The following UGP2 variants were observed in gnomAD, a reference collection of about 807,000 sequenced individuals.
UGP2 encodes the protein UTP--glucose-1-phosphate uridylyltransferase.
In UGP2, 40 loss-of-function variants were observed where a neutral mutation model predicts 49.0. The observed-to-expected ratio is 0.82, with a 90% CI of 0.63 to 1.06. The LOEUF is 1.06. Ranked by LOEUF, UGP2 falls within the 50% of genes least tolerant of loss-of-function variation. The pLI, the probability that UGP2 is intolerant of heterozygous loss-of-function variation, is 0.00. For synonymous variants in UGP2, 225 were observed against 213.0 expected, an observed-to-expected ratio of 1.06 and a Z score of -0.49; for missense variants, 460 against 603.5, an observed-to-expected ratio of 0.76 and a Z score of 2.49.
At chr2:63,856,737 C>T (rs1328197036) in intron 2 of UGP2, 2 of 482,104 alleles carry the variant, frequency 4.1e-6, no homozygotes, top group African/African-American at 2.0e-5. Context: ...TACCTGTGTT[C>T]AGTTGTAATT....
intron 8 of UGP2, 155 bp downstream of exon 8, chr2:63,887,799 A>G: frequency 1.0e-6 from 1 of 998,430 alleles, no homozygotes. Context: ...TGACCATAGA[A>G]GATAAATATT....
At chr2:63,863,011 A>T (rs892928772) in intron 3 of UGP2, 1 of 346,934 alleles carries the variant, frequency 2.9e-6, no homozygotes, top group Non-Finnish European at 5.7e-6. Flanking sequence ...AATCATACTA[A>T]AGTGGAGTGT....
chr2:63,887,067 C>T (rs1373588724), intron 7 of UGP2, among the ~76,000 whole-genome samples: 1 of 152,042 alleles, frequency 6.6e-6, no homozygotes, highest in Non-Finnish European at 1.5e-5. Context: ...AGGCCAGGAC[C>T]AACCTGGCCA....
Position 63,872,137 on chromosome 2 carries a change from A to G in UGP2, c.256-10329A>G, listed in dbSNP as rs62136386. ...CTGTCTTAACATCCTCAGGCTACACATGACTGGAGAGAAACTTTGGCTGAA... is the reference window on the plus strand; with the variant it reads ...CTGTCTTAACATCCTCAGGCTACACGTGACTGGAGAGAAACTTTGGCTGAA... On this transcript the variant is annotated intron_variant, in intron 3 of 9. Transcript: ENST00000337130. Among the ~76,000 whole-genome samples the G allele has an allele frequency of 7.3e-3, 1,119 of 152,328 alleles. 6 individuals carry two copies. Among genetic ancestry groups the G allele is most frequent in the Middle Eastern group, 0.014 (4 of 294 alleles).
chr2:63,890,870 G>A (rs1672089807), intron 9 of UGP2, among the ~76,000 whole-genome samples: 1 of 152,112 alleles, frequency 6.6e-6, no homozygotes, highest in South Asian at 2.1e-4. Flanking sequence ...CTGTGGCACC[G>A]GGTCCACTTC....
rs770496809 is a variant in UGP2 at position 63,891,164 on chromosome 2, C to A, written c.1464C>A (p.Ile488=). ...IIANHGDRID[I]PPGAVLENKI... Reference sequence around the variant, plus strand: ...CAAATCATGGTGACAGAATTGATATCCCACCTGGAGCAGTATTAGAGAACA... The same window carrying A: ...CAAATCATGGTGACAGAATTGATATACCACCTGGAGCAGTATTAGAGAACA... Residue 488 remains isoleucine (I), a synonymous_variant, in exon 10 of 10, where the codon ATC becomes ATA. Transcript: ENST00000337130. The A allele has an allele frequency of 8.7e-6, 14 of 1,613,360 alleles. No homozygotes were observed. The highest frequency in any genetic ancestry group is 8.3e-5 in the Admixed American group (5 of 59,944).
chr2:63,841,185 G>A (rs1289080254), upstream of UGP2: 2 of 152,210 alleles, frequency 1.3e-5, no homozygotes, highest in Admixed American at 6.5e-5. Flanking sequence ...CTTCTTCCCG[G>A]GGCGCCATAA....
At chr2:63,848,478 C>T (rs949428297) in intron 1 of UGP2, among the ~76,000 whole-genome samples, 2 of 152,206 alleles carry the variant, frequency 1.3e-5, no homozygotes, top group Non-Finnish European at 2.9e-5. Context: ...ATTCTCCTAC[C>T]TCAGCCTCCT....
At position 63,882,505 on chromosome 2, in the gene UGP2, GATAAT is replaced by G; in HGVS notation, c.299_303del (p.Asn100IlefsTer26). Reference sequence around the variant, plus strand: ...AAAGATAAAGGCCAGGGGCTTGCCTGATAATATATCTTCCGTGTTGAACAAACTAG... The same window carrying G: ...AAAGATAAAGGCCAGGGGCTTGCCTGATATCTTCCGTGTTGAACAAACTAG... On this transcript the variant is annotated frameshift_variant, in exon 4 of 10. Transcript: ENST00000337130. LOFTEE classifies it high-confidence loss of function. The G allele has an allele frequency of 6.2e-7, 1 of 1,608,728 alleles. No homozygotes were observed. The highest frequency in any genetic ancestry group is 8.5e-7 in the Non-Finnish European group (1 of 1,176,306).
chr2:63,885,834 A>G lies in UGP2; in HGVS notation c.821A>G (p.Lys274Arg), dbSNP rs1357210503. ...LNHLMNPPNG[K>R]RCEFVMEVTN... is the part of the protein sequence containing the mutation. ...CATCTAATGAACCCACCCAATGGAA[A>G]ACGCTGTGAATTTGTCATGGAAGTC... Residue 274 changes from lysine to arginine, a missense_variant, in exon 6 of 10, where the codon AAA becomes AGA. Physicochemically the swap from Lys to Arg is conservative, Grantham distance 26. Around this residue, in one of 2 missense-constraint regions of UGP2, gnomAD observed 317 missense variants for 473.0 expected, o/e 0.67. Transcript: ENST00000337130. The G allele has an allele frequency of 6.2e-7, 1 of 1,602,400 alleles. No individual in the cohort carries two copies.
At chr2:63,879,779 A>C (rs1671165447) in intron 3 of UGP2, among the ~76,000 whole-genome samples, 3 of 152,202 alleles carry the variant, frequency 2.0e-5, no homozygotes, top group Non-Finnish European at 4.4e-5. Flanking sequence ...CACAATTAAA[A>C]ATTTTAGGTA....
intron 1 of UGP2, chr2:63,855,831 A>G (rs1259771881): frequency 4.0e-6 from 1 of 249,356 alleles, no homozygotes; most frequent in East Asian, 1.5e-4. Context: ...ATGAGCTGCC[A>G]TTGCCCAGCC....
intron 3 of UGP2, among the ~76,000 whole-genome samples, chr2:63,877,300 A>G (rs1266838661): frequency 6.6e-6 from 1 of 152,224 alleles, no homozygotes; most frequent in Non-Finnish European, 1.5e-5. Flanking sequence ...AGCTGCCATG[A>G]TGTCAAGTTT....
At chr2:63,852,966 G>A (rs1052525789) in intron 1 of UGP2, among the ~76,000 whole-genome samples, 1 of 152,116 alleles carries the variant, frequency 6.6e-6, no homozygotes, top group African/African-American at 2.4e-5. Context: ...GGTGTCAGAA[G>A]TCTTTAAGGA....
chr2:63,887,965 C>T, intron 8 of UGP2: 1 of 279,374 alleles, frequency 3.6e-6, no homozygotes, highest in Non-Finnish European at 6.9e-6. Context: ...GAATGCCTAT[C>T]ATGTACTGGG....
At chr2:63,853,878 A>G (rs1669203095) in intron 1 of UGP2, among the ~76,000 whole-genome samples, 1 of 152,166 alleles carries the variant, frequency 6.6e-6, no homozygotes, top group African/African-American at 2.4e-5. Flanking sequence ...GGAACTTGTG[A>G]AAAAAAGTTA....
At chr2:63,881,824 A>G (rs1293057615) in intron 3 of UGP2, among the ~76,000 whole-genome samples, 1 of 152,210 alleles carries the variant, frequency 6.6e-6, no homozygotes, top group East Asian at 1.9e-4. Context: ...CAGTGACAAC[A>G]CTTAATTTTC....
At chr2:63,860,365 T>C (rs1669752506) in intron 3 of UGP2, among the ~76,000 whole-genome samples, 1 of 152,224 alleles carries the variant, frequency 6.6e-6, no homozygotes, top group Admixed American at 6.5e-5. Flanking sequence ...CATTTATGTA[T>C]TGTCTATAAC....
chr2:63,887,727 A>G, intron 8 of UGP2, 83 bp downstream of exon 8: 1 of 1,520,222 alleles, frequency 6.6e-7, no homozygotes, highest in Non-Finnish European at 8.9e-7. Context: ...ATTGGAGACT[A>G]ATTACAGTCT....
Sources: allele counts gnomAD v4.1 joint callset (sites outside exome capture counted in the v4.1 genomes callset), GRCh38; gene constraint gnomAD v4.1.1; regional missense constraint gnomAD v4.1.1; transcripts MANE v1.5; gene names NCBI Gene and HGNC (gene_info 2026-07-23, HGNC 2026-07-21).